CHL1: variants seen among roughly 807,000 people sequenced by gnomAD.
The protein encoded by CHL1 is neural cell adhesion molecule L1-like protein.
In CHL1, 96 loss-of-function variants were observed where a neutral mutation model predicts 141.9. The ratio of observed to expected loss-of-function variants is 0.68; its 90% CI spans 0.57 to 0.80. The LOEUF (loss-of-function observed/expected upper bound fraction) is 0.80. Ranked by LOEUF, CHL1 falls within the 30% of genes least tolerant of loss-of-function variation. CHL1 has a pLI of 0.00. For synonymous variants in CHL1, 613 were observed against 502.2 expected (o/e 1.22, Z -2.95); for missense variants, 1,820 against 1,457.2 (o/e 1.25, Z -4.05).
intron 16 of CHL1, among the ~76,000 whole-genome samples, chr3:380,627 C>G (rs1559335674): frequency 6.6e-6 from 1 of 152,152 alleles, no homozygotes; most frequent in Non-Finnish European, 1.5e-5. Flanking sequence ...CCAAATCTCC[C>G]TGTTCTGATA....
intron 2 of CHL1, among the ~76,000 whole-genome samples, chr3:273,086 C>T (rs1695782731): frequency 6.6e-6 from 1 of 152,156 alleles, no homozygotes; most frequent in African/African-American, 2.4e-5. Context: ...GGAAAGTCTT[C>T]AGGTGGAGGG....
chr3:306,627 T>A (rs1324123793), intron 2 of CHL1, among the ~76,000 whole-genome samples: 1 of 152,118 alleles, frequency 6.6e-6, no homozygotes, highest in African/African-American at 2.4e-5. Context: ...TTAGCATTTT[T>A]CAACCAGTAA....
intron 19 of CHL1, 103 bp from the exon 20 acceptor site, chr3:389,149 C>G: frequency 1.1e-6 from 1 of 898,968 alleles, no homozygotes; most frequent in Non-Finnish European, 1.7e-6. Flanking sequence ...CAACAAATGA[C>G]CATTTCATTA....
intron 2 of CHL1, among the ~76,000 whole-genome samples, chr3:292,673 C>G (rs1038268465): frequency 2.6e-5 from 4 of 152,166 alleles, no homozygotes; most frequent in African/African-American, 4.8e-5. Flanking sequence ...GTTCTGCAGT[C>G]TACAACCATG....
At chr3:328,606 T>G (rs573231971) in intron 5 of CHL1, 24 of 330,700 alleles carry the variant, frequency 7.3e-5, no homozygotes, top group African/African-American at 4.5e-4. Flanking sequence ...CTGCTTTGCC[T>G]TATAAGATGA....
intron 1 of CHL1, among the ~76,000 whole-genome samples, chr3:201,827 G>C (rs1172712778): frequency 6.6e-6 from 1 of 152,152 alleles, no homozygotes; most frequent in Non-Finnish European, 1.5e-5. Context: ...GGAGGTAGGA[G>C]CTCTGTTGCC....
intron 11 of CHL1, 54 bp downstream of exon 11, chr3:354,825 T>C: frequency 1.2e-6 from 2 of 1,601,798 alleles, no homozygotes; most frequent in Non-Finnish European, 1.7e-6. Context: ...TTTGACGGGA[T>C]TAATGATGGT....
chr3:358,288 A>G (rs535125945), intron 11 of CHL1, among the ~76,000 whole-genome samples: 1 of 152,144 alleles, frequency 6.6e-6, no homozygotes, highest in African/African-American at 2.4e-5. Context: ...AGCCAGCTAC[A>G]CTGCATCTCT....
At chr3:290,015 C>G (rs1307011067) in intron 2 of CHL1, among the ~76,000 whole-genome samples, 2 of 148,096 alleles carry the variant, frequency 1.4e-5, no homozygotes, top group African/African-American at 5.1e-5. Flanking sequence ...TACTCATAGC[C>G]AATAGCACCG....
intron 1 of CHL1, among the ~76,000 whole-genome samples, chr3:214,751 T>A (rs1026480206): frequency 6.6e-6 from 1 of 152,206 alleles, no homozygotes; most frequent in Non-Finnish European, 1.5e-5. Flanking sequence ...ACAGAAGATA[T>A]AACTTATTAA....
At chr3:246,929 C>T (rs371273930) in intron 2 of CHL1, 23 of 152,134 alleles carry the variant, frequency 1.5e-4, no homozygotes, top group African/African-American at 5.1e-4. Flanking sequence ...CATGATAAAA[C>T]ATGTGCTGTG....
At position 314,345 on chromosome 3, in the gene CHL1, A is replaced by G. The variant is rs1228626307; in HGVS notation, c.-94-5338A>G. On this transcript the variant is annotated intron_variant, in intron 2 of 27. Transcript: ENST00000256509. ...TCTCTATGTGTATATATATATATAT[A>G]TATATATATATATATATATATATAT... Among the ~76,000 whole-genome samples the G allele has an allele frequency of 3.9e-4, 38 of 97,308 alleles. 1 individual carries two copies. Among genetic ancestry groups the G allele is most frequent in the African/African-American group, 1.2e-3 (27 of 22,986 alleles). The allele number at this position is 97,308 out of a possible 152,430, so 63.8% of individuals were successfully genotyped here.
At chr3:280,875 G>GACACACACA (rs1696579841) in intron 2 of CHL1, among the ~76,000 whole-genome samples, 1 of 151,806 alleles carries the variant, frequency 6.6e-6, no homozygotes, top group African/African-American at 2.4e-5. Context: ...GTTAAAACAC[G>GACACACACA]TAGACACACA....
intron 19 of CHL1, among the ~76,000 whole-genome samples, chr3:387,780 C>G (rs1344710899): frequency 6.6e-6 from 1 of 152,144 alleles, no homozygotes; most frequent in African/African-American, 2.4e-5. Context: ...GCAAAACTTT[C>G]CAATGAATCC....
chr3:391,982 G>C (rs1249898971), intron 23 of CHL1, among the ~76,000 whole-genome samples, 185 bp downstream of exon 23: 1 of 152,116 alleles, frequency 6.6e-6, no homozygotes, highest in African/African-American at 2.4e-5. Flanking sequence ...CCTGTTTTTA[G>C]GAATAAAGTT....
intron 1 of CHL1, among the ~76,000 whole-genome samples, chr3:230,390 A>G (rs1245602330): frequency 2.6e-5 from 4 of 152,188 alleles, no homozygotes; most frequent in Admixed American, 1.3e-4. Context: ...CACATTCATA[A>G]CAAACCACCA....
At chr3:299,539 T>C (rs1166403964) in intron 2 of CHL1, among the ~76,000 whole-genome samples, 1 of 152,212 alleles carries the variant, frequency 6.6e-6, no homozygotes, top group East Asian at 1.9e-4. Flanking sequence ...ATTACTATGT[T>C]CCAGGTACAA....
At chr3:399,904 T>C (rs531760736) in intron 26 of CHL1, among the ~76,000 whole-genome samples, 9 of 152,334 alleles carry the variant, frequency 5.9e-5, no homozygotes, top group African/African-American at 2.2e-4. Context: ...TAGGAATGCA[T>C]TTCTTATTAC....
chr3:328,561 A>T, intron 5 of CHL1: 1 of 432,034 alleles, frequency 2.3e-6, no homozygotes, highest in Non-Finnish European at 4.1e-6. Flanking sequence ...ACTCTGTTTC[A>T]GTAACCTTAT....
Sources: allele counts gnomAD v4.1 joint callset (sites outside exome capture counted in the v4.1 genomes callset), GRCh38; gene constraint gnomAD v4.1.1; transcripts MANE v1.5; gene names NCBI Gene and HGNC (gene_info 2026-07-23, HGNC 2026-07-21).